Variants in NLRP5 observed in about 807,000 individuals in gnomAD.
NLRP5 encodes NACHT, LRR and PYD domains-containing protein 5.
In NLRP5, 93 loss-of-function variants were observed where a neutral mutation model predicts 113.1. The observed-to-expected ratio is 0.82, with a 90% CI of 0.70 to 0.98. The LOEUF is 0.98. NLRP5 is among the 50% of genes least tolerant of loss of function. The pLI is 0.00. For synonymous variants in NLRP5, 751 were observed against 600.7 expected (o/e 1.25, Z -3.66); for missense variants, 1,808 against 1,514.3 (o/e 1.19, Z -3.22).
chr19:56,002,454 G>T (rs1981690956), intron 1 of NLRP5, among the ~76,000 whole-genome samples: 1 of 146,812 alleles, frequency 6.8e-6, no homozygotes, highest in African/African-American at 2.5e-5. Context: ...TTTGCCAGAG[G>T]TTTTTTTTTT....
At chr19:56,016,435 G>A (rs1220126773) in intron 4 of NLRP5, among the ~76,000 whole-genome samples, 3 of 152,090 alleles carry the variant, frequency 2.0e-5, no homozygotes, top group Non-Finnish European at 4.4e-5. Context: ...TTACAAGCTT[G>A]AGCCACCACA....
At chr19:56,006,722 ACT>A (rs752229580) in intron 2 of NLRP5, among the ~76,000 whole-genome samples, 150 of 151,374 alleles carry the variant, frequency 9.9e-4, no homozygotes, top group Admixed American at 2.6e-3. Context: ...ACAGAGCGAG[ACT>A]CCGTATTTAA....
At chr19:56,036,383 A>G (rs902420711) in intron 9 of NLRP5, among the ~76,000 whole-genome samples, 4 of 151,846 alleles carry the variant, frequency 2.6e-5, no homozygotes, top group Admixed American at 1.3e-4. Flanking sequence ...CTTTCATTCA[A>G]TAACGACAGA....
intron 12 of NLRP5, among the ~76,000 whole-genome samples, chr19:56,053,326 G>A (rs549687711): frequency 4.3e-4 from 65 of 151,968 alleles, no homozygotes; most frequent in Middle Eastern, 3.4e-3. Context: ...AACCTGGGAG[G>A]TGGAGGTTGC....
chr19:56,051,671 A>AGT (rs1983935789), intron 12 of NLRP5, among the ~76,000 whole-genome samples: 1 of 152,236 alleles, frequency 6.6e-6, no homozygotes, highest in Non-Finnish European at 1.5e-5. Flanking sequence ...TAATAAATGA[A>AGT]GTACAGTAAG....
chr19:56,018,522 A>G (rs1454310591), intron 4 of NLRP5: 3 of 152,220 alleles, frequency 2.0e-5, no homozygotes, highest in Non-Finnish European at 4.4e-5. Flanking sequence ...ATTTAACTTC[A>G]GTAACTTGAT....
chr19:56,037,461 A>T (rs1419484936), intron 9 of NLRP5, among the ~76,000 whole-genome samples: 1 of 152,056 alleles, frequency 6.6e-6, no homozygotes, highest in African/African-American at 2.4e-5. Flanking sequence ...TTGGGAGGCC[A>T]AGGCGGGTGG....
chr19:56,007,138 G>A (rs566227590), intron 2 of NLRP5, among the ~76,000 whole-genome samples: 117 of 151,522 alleles, frequency 7.7e-4, no homozygotes, highest in Non-Finnish European at 2.4e-4. Flanking sequence ...CTAGGCGGGC[G>A]GATCACTTGA....
At chr19:56,041,999 C>T (rs1307162584) in intron 11 of NLRP5, among the ~76,000 whole-genome samples, 1 of 152,080 alleles carries the variant, frequency 6.6e-6, no homozygotes, top group Non-Finnish European at 1.5e-5. Context: ...AAAAATCCAA[C>T]AAACACGGCA....
Position 56,023,236 on chromosome 19 carries a change from T to C in NLRP5, c.679+2805T>C, listed in dbSNP as rs573195085. On this transcript the variant is annotated intron_variant, in intron 6 of 14. Coordinates refer to ENST00000390649, the MANE Select transcript of NLRP5 (RefSeq NM_153447.4). ...GGCCTGAGTTTGAATGCAGACTGGC[T>C]TCCTGGGGTTTCCCTCCCTCTGTAA... Among the ~76,000 whole-genome samples the C allele has an allele frequency of 1.3e-3, 205 of 152,326 alleles. 1 individual carries two copies. The highest frequency in any genetic ancestry group is 4.8e-3 in the African/African-American group (200 of 41,580).
At chr19:56,025,414 G>GTT (rs967283979) in intron 6 of NLRP5, among the ~76,000 whole-genome samples, 1 of 133,560 alleles carries the variant, frequency 7.5e-6, no homozygotes, top group African/African-American at 2.8e-5. Flanking sequence ...CTGTCTCTCT[G>GTT]TTTTTTTTTG....
rs112703515 is a variant in NLRP5, at chr19:56,025,055, T to G, written c.680-1858T>G. 3.9e-4 allele frequency among the ~76,000 whole-genome samples: 60 copies of G among 152,228 alleles called. 1 individual carries two copies. The highest frequency in any genetic ancestry group is 3.4e-3 in the Middle Eastern group (1 of 294). On this transcript the variant is annotated intron_variant, in intron 6 of 14. Coordinates refer to ENST00000390649, the MANE Select transcript of NLRP5 (RefSeq NM_153447.4). ...GTGAGGGATCTGGGTTGCGTGCTTA[T>G]GAGAATCTAATGCCTGATGATCTGT...
intron 10 of NLRP5, among the ~76,000 whole-genome samples, chr19:56,039,660 C>T (rs2123321709): frequency 6.6e-6 from 1 of 152,288 alleles, no homozygotes; most frequent in African/African-American, 2.4e-5. Context: ...CGCCTGTAAC[C>T]CAGCACTTTG....
rs771802955 is a variant in NLRP5, at chr19:56,028,086, C to A, written c.1853C>A (p.Ser618Tyr). 1 of 1,613,860 alleles carries A rather than the reference C, an allele frequency of 6.2e-7. No individual in the cohort carries two copies. Among genetic ancestry groups the A allele is most frequent in the African/African-American group, 1.3e-5 (1 of 74,906 alleles). The change falls in exon 7 of 15, where the codon TCC (serine) becomes TAC (tyrosine). Residue 618 changes from serine to tyrosine, a missense_variant. By Grantham distance (144) the Ser-to-Tyr change is moderately radical. Transcript: ENST00000390649. ...CTGTACGTTGAGAAGACAAAGAGGT[C>A]CATGGAGCTTAAACAGGCAGGCTTC...
upstream of NLRP5, among the ~76,000 whole-genome samples, chr19:55,995,878 G>C (rs1457252740): frequency 6.6e-6 from 1 of 151,530 alleles, no homozygotes; most frequent in African/African-American, 2.4e-5. Flanking sequence ...GTTCATTATT[G>C]GTGTTTAGAA....
intron 11 of NLRP5, among the ~76,000 whole-genome samples, chr19:56,049,166 AT>A (rs1983838599): frequency 7.2e-6 from 1 of 139,426 alleles, no homozygotes; most frequent in Non-Finnish European, 1.5e-5. Flanking sequence ...TTTATTTTTT[AT>A]ATTTATTTAT....
chr19:55,999,151 G>A (rs1981504880), upstream of NLRP5, among the ~76,000 whole-genome samples: 1 of 149,778 alleles, frequency 6.7e-6, no homozygotes. Context: ...CTGCTGCTAT[G>A]AATTTAATTG....
intron 7 of NLRP5, among the ~76,000 whole-genome samples, chr19:56,031,550 G>T (rs561614016): frequency 6.7e-6 from 1 of 148,760 alleles, no homozygotes; most frequent in Non-Finnish European, 1.5e-5. Flanking sequence ...AAAATCACTC[G>T]AATTTGGGAG....
intron 1 of NLRP5, among the ~76,000 whole-genome samples, chr19:56,001,333 A>G (rs548428919): frequency 2.2e-5 from 3 of 138,062 alleles, no homozygotes; most frequent in African/African-American, 8.6e-5. Context: ...TTAAAAAAAA[A>G]AACAAACAAA....
Sources: gnomAD v4.1 joint callset for allele counts (sites outside exome capture counted in the v4.1 genomes callset) on GRCh38, gnomAD v4.1.1 for gene constraint, MANE v1.5 for transcripts, NCBI Gene and HGNC (gene_info 2026-07-23, HGNC 2026-07-21) for gene names.